The following PPHLN1 variants were observed in gnomAD, a reference collection of about 807,000 sequenced individuals.
PPHLN1 encodes periphilin-1.
A neutral mutation model predicts 51.3 loss-of-function variants in PPHLN1; 29 were observed. The observed-to-expected ratio is 0.57, with a 90% CI of 0.42 to 0.77. The LOEUF (loss-of-function observed/expected upper bound fraction) is 0.77. PPHLN1 is among the 30% of genes least tolerant of loss of function. The pLI is 0.00. For synonymous variants in PPHLN1, 147 were observed against 147.8 expected, an observed-to-expected ratio of 0.99 and a Z score of 0.04; for missense variants, 436 against 438.4, an observed-to-expected ratio of 0.99 and a Z score of 0.05.
At chr12:42,447,802 G>A (rs1198284941), downstream of PPHLN1, 1 of 152,154 alleles carries the variant, frequency 6.6e-6, no homozygotes, top group South Asian at 2.1e-4. Context: ...TCTATAATGG[G>A]TGCCTCAAAA....
At chr12:42,417,136 G>A (rs2080463219) in intron 9 of PPHLN1, among the ~76,000 whole-genome samples, 1 of 152,194 alleles carries the variant, frequency 6.6e-6, no homozygotes, top group Non-Finnish European at 1.5e-5. Flanking sequence ...TTTGTGGCAG[G>A]CAAGTAAGTA....
chr12:42,392,883 G>A (rs1210077585), intron 7 of PPHLN1, among the ~76,000 whole-genome samples: 1 of 152,224 alleles, frequency 6.6e-6, no homozygotes, highest in East Asian at 1.9e-4. Flanking sequence ...CAACTGCTTT[G>A]CAAAGTGAGC....
At chr12:42,355,466 G>A in intron 4 of PPHLN1, 2 of 376,284 alleles carry the variant, frequency 5.3e-6, no homozygotes, top group South Asian at 5.3e-5. Flanking sequence ...GCCTGGTGCG[G>A]TGGCTCACAC....
intron 5 of PPHLN1, among the ~76,000 whole-genome samples, chr12:42,377,104 A>AT (rs35068416): frequency 0.19 from 28,655 of 147,784 alleles, 2,945 homozygotes; most frequent in African/African-American, 0.27. Context: ...CTTTTTTGCG[A>AT]TTTTTTTTTT....
chr12:42,417,747 T>TAACAC (rs1464753300), intron 9 of PPHLN1, among the ~76,000 whole-genome samples: 1 of 152,060 alleles, frequency 6.6e-6, no homozygotes, highest in Non-Finnish European at 1.5e-5. Context: ...CTCTTTTACT[T>TAACAC]TTTAACTCAG....
chr12:42,326,840 A>G (rs2068854088), intron 1 of PPHLN1, among the ~76,000 whole-genome samples: 1 of 152,168 alleles, frequency 6.6e-6, no homozygotes, highest in Non-Finnish European at 1.5e-5. Context: ...ACTTCTGCCT[A>G]CCAGCACATA....
rs1334948455 is a variant in PPHLN1 at position 42,417,936 on chromosome 12, T to A, written c.909+18942T>A. Among the ~76,000 whole-genome samples the A allele has an allele frequency of 1.3e-3, 62 of 49,362 alleles. No homozygotes were observed. The East Asian group carries it at 0.026, about 21-fold the overall frequency. 32.4% of individuals were successfully genotyped at this position (49,362 alleles called of 152,430 possible). Reference sequence around the variant, plus strand: ...AAAGCCCTAGTTTTTTTTTTTGTTTTTTTTTTGTTTTTTTTTTTTTTGAGA... The same window carrying A: ...AAAGCCCTAGTTTTTTTTTTTGTTTATTTTTTGTTTTTTTTTTTTTTGAGA... On this transcript the variant is annotated intron_variant, in intron 9 of 9. Coordinates refer to ENST00000358314, the MANE Select transcript of PPHLN1 (RefSeq NM_201439.2).
intron 9 of PPHLN1, among the ~76,000 whole-genome samples, chr12:42,421,832 G>A (rs563481360): frequency 6.6e-6 from 1 of 152,002 alleles, no homozygotes; most frequent in Admixed American, 6.6e-5. Flanking sequence ...AGCCAGAGGA[G>A]CAGTATACTG....
rs1046198163 is a variant in PPHLN1 at position 42,414,483 on chromosome 12, C to A, written c.909+15489C>A. Among the ~76,000 whole-genome samples, 27 of 152,282 alleles carry A rather than the reference C, an allele frequency of 1.8e-4. 1 individual carries two copies. Among genetic ancestry groups the A allele is most frequent in the African/African-American group, 6.5e-4 (27 of 41,560 alleles). On this transcript the variant is annotated intron_variant, in intron 9 of 9. Coordinates refer to ENST00000358314, the MANE Select transcript of PPHLN1 (RefSeq NM_201439.2). ...TGTAATTCTCCTTGTAGAAATCTTT[C>A]ATCACTCTGGTTAAGGATATTCCTA...
intron 7 of PPHLN1, among the ~76,000 whole-genome samples, chr12:42,391,658 G>C (rs1195828485): frequency 6.6e-6 from 1 of 151,832 alleles, no homozygotes; most frequent in East Asian, 1.9e-4. Flanking sequence ...GGATATATTT[G>C]TGTTTGTATA....
At chr12:42,440,173 GT>G (rs2082825325) in intron 9 of PPHLN1, among the ~76,000 whole-genome samples, 1 of 150,120 alleles carries the variant, frequency 6.7e-6, no homozygotes, top group Non-Finnish European at 1.5e-5. Context: ...GTATTTTATA[GT>G]TTTCCTCATA....
rs966694811 is a variant in PPHLN1, at chr12:42,386,426, A to G, written c.569-1030A>G. Among the ~76,000 whole-genome samples the G allele has an allele frequency of 3.3e-5, 5 of 152,364 alleles. No individual in the cohort carries two copies. The South Asian group carries it at 1.0e-3, about 32-fold the overall frequency. ...GGTGGTTGGAAGTCTTTGAGCCTCCAGGACCTTATTTATCTATCTTGGCTG... is the reference window on the plus strand; with the variant it reads ...GGTGGTTGGAAGTCTTTGAGCCTCCGGGACCTTATTTATCTATCTTGGCTG... On this transcript the variant is annotated intron_variant, in intron 6 of 9. Coordinates refer to ENST00000358314, the MANE Select transcript of PPHLN1 (RefSeq NM_201439.2).
At chr12:42,445,403 A>G, downstream of PPHLN1, 1 of 407,470 alleles carries the variant, frequency 2.5e-6, no homozygotes, top group South Asian at 2.7e-5. Context: ...CTAGAGGACT[A>G]GAACCTAATC....
At chr12:42,344,771 T>TA (rs1221976143) in intron 2 of PPHLN1, among the ~76,000 whole-genome samples, 1 of 148,200 alleles carries the variant, frequency 6.7e-6, no homozygotes, top group Non-Finnish European at 1.5e-5. Flanking sequence ...TGCAGTGGCA[T>TA]AATCTCGGCT....
chr12:42,376,540 A>C (rs966604948), intron 5 of PPHLN1, among the ~76,000 whole-genome samples: 1 of 152,230 alleles, frequency 6.6e-6, no homozygotes, highest in Non-Finnish European at 1.5e-5. Context: ...TAATCCTTGC[A>C]CTTTGGGAAG....
intron 1 of PPHLN1, among the ~76,000 whole-genome samples, chr12:42,334,689 C>A (rs1017230837): frequency 3.3e-5 from 5 of 152,196 alleles, no homozygotes; most frequent in African/African-American, 1.2e-4. Flanking sequence ...AAGGTACTAA[C>A]TTACTACCTG....
At chr12:42,419,858 T>A (rs2080827922) in intron 9 of PPHLN1, among the ~76,000 whole-genome samples, 3 of 152,260 alleles carry the variant, frequency 2.0e-5, no homozygotes, top group African/African-American at 7.2e-5. Flanking sequence ...TATCTGTACA[T>A]GATGACTTGA....
At position 42,347,802 on chromosome 12, in the gene PPHLN1, T is replaced by G. The variant is rs1028263719; in HGVS notation, c.73-4083T>G. Among the ~76,000 whole-genome samples the G allele has an allele frequency of 3.3e-5, 5 of 152,318 alleles. No individual in the cohort carries two copies. The East Asian group carries it at 9.6e-4, about 29-fold the overall frequency. The stretch of plus-strand genomic sequence containing the variant: ...CTCAAAGAATTTGAAAGGGAAATTC[T>G]GAATTCTTTGCCACTCATCATAGAT... On this transcript the variant is annotated intron_variant, in intron 2 of 9. Transcript: ENST00000358314.
At chr12:42,383,753 GGT>G (rs754877350) in intron 5 of PPHLN1, among the ~76,000 whole-genome samples, 3 of 152,084 alleles carry the variant, frequency 2.0e-5, no homozygotes, top group Non-Finnish European at 4.4e-5. Flanking sequence ...GACTGAGGCG[GGT>G]GGATCACGAG....
Sources: gnomAD v4.1 joint callset for allele counts (sites outside exome capture counted in the v4.1 genomes callset) on GRCh38, gnomAD v4.1.1 for gene constraint, MANE v1.5 for transcripts, NCBI Gene and HGNC (gene_info 2026-07-23, HGNC 2026-07-21) for gene names.